Variants in DOCK10 observed in about 807,000 individuals in gnomAD.
The protein encoded by DOCK10 is dedicator of cytokinesis protein 10.
DOCK10 carries 145 observed loss-of-function variants against 280.1 expected under a neutral mutation model. That is an observed-to-expected ratio of 0.52 (90% confidence interval 0.45 to 0.59). The LOEUF (loss-of-function observed/expected upper bound fraction) is 0.59. Among genes scored for constraint, DOCK10 ranks in the 20% least tolerant of loss-of-function variants. DOCK10 has a pLI of 0.00. For missense variants in DOCK10, 2,368 were observed against 2,651.7 expected (o/e 0.89, Z 2.35); for synonymous variants, 915 against 942.2 (o/e 0.97, Z 0.53).
chr2:224,874,653 C>T lies in DOCK10; in HGVS notation c.1017+13G>A. 1 of 1,612,158 alleles carries T rather than the reference C, an allele frequency of 6.2e-7. No homozygotes were observed. The highest frequency in any genetic ancestry group is 8.5e-7 in the Non-Finnish European group (1 of 1,178,354). On this transcript the variant is annotated intron_variant, in intron 9 of 55. Transcript: ENST00000258390. ...TCAAATTGGTTTTGCAAGTACAATG[C>T]CAACTTTATTACCTTTGCAAAGTCT...
chr2:224,968,139 C>T (rs560913325), intron 1 of DOCK10, among the ~76,000 whole-genome samples: 5 of 152,210 alleles, frequency 3.3e-5, no homozygotes, highest in East Asian at 3.9e-4. Context: ...TGATTATGAT[C>T]GTAAAAGGGA....
At chr2:224,853,790 G>A (rs996813834) in intron 16 of DOCK10, among the ~76,000 whole-genome samples, 2 of 152,172 alleles carry the variant, frequency 1.3e-5, no homozygotes, top group South Asian at 2.1e-4. Flanking sequence ...GAAAGACCAA[G>A]GCCTTCTACC....
At chr2:224,866,487 T>C (rs1697918073) in intron 11 of DOCK10, among the ~76,000 whole-genome samples, 1 of 152,198 alleles carries the variant, frequency 6.6e-6, no homozygotes, top group Admixed American at 6.5e-5. Flanking sequence ...CCTTTGGCAA[T>C]TGATTTGTAT....
At chr2:224,973,467 T>C (rs889008930) in intron 1 of DOCK10, among the ~76,000 whole-genome samples, 2 of 152,086 alleles carry the variant, frequency 1.3e-5, no homozygotes, top group Non-Finnish European at 2.9e-5. Context: ...GAAGACACTA[T>C]GCTTCTGGCT....
intron 2 of DOCK10, among the ~76,000 whole-genome samples, chr2:224,922,087 C>A (rs1436021906): frequency 6.8e-6 from 1 of 147,362 alleles, no homozygotes; most frequent in African/African-American, 2.5e-5. Context: ...CCACTGTACT[C>A]CAGCCCGGGC....
intron 1 of DOCK10, among the ~76,000 whole-genome samples, chr2:225,002,441 T>A (rs565282780): frequency 6.6e-6 from 1 of 152,354 alleles, no homozygotes; most frequent in African/African-American, 2.4e-5. Context: ...GCTTTCTCAG[T>A]GAGTTTACAT....
intron 2 of DOCK10, among the ~76,000 whole-genome samples, chr2:224,924,127 A>T (rs897717831): frequency 1.3e-5 from 2 of 152,124 alleles, no homozygotes; most frequent in African/African-American, 4.8e-5. Context: ...ATTCCTTTGT[A>T]TCCTTCCTGT....
intron 7 of DOCK10, 52 bp from the exon 8 acceptor site, chr2:224,876,273 C>G (rs79130648): frequency 5.6e-5 from 80 of 1,440,708 alleles, no homozygotes; most frequent in Non-Finnish European, 7.2e-5. Flanking sequence ...AATAAGCCTT[C>G]GAGAGAGAGA....
At chr2:224,782,219 G>A (rs952063033) in intron 50 of DOCK10, among the ~76,000 whole-genome samples, 1 of 152,006 alleles carries the variant, frequency 6.6e-6, no homozygotes. Flanking sequence ...TCCATACTAC[G>A]CCTGCACCTT....
chr2:224,820,341 G>C (rs942186169), intron 28 of DOCK10, among the ~76,000 whole-genome samples: 6 of 152,194 alleles, frequency 3.9e-5, no homozygotes, highest in African/African-American at 1.4e-4. Flanking sequence ...AAGCTACCAC[G>C]GCCAAAGACT....
Position 225,035,542 on chromosome 2 carries a change from T to TGATATATA in DOCK10, c.123+6709_123+6710insTATATATC, listed in dbSNP as rs1415059109. On this transcript the variant is annotated intron_variant, in intron 1 of 55. Coordinates refer to ENST00000258390, the MANE Select transcript of DOCK10 (RefSeq NM_014689.3). ...TAGATCTTATATGATATGATATATA[T>TGATATATA]TATATATATATATATATATATATAT... Among the ~76,000 whole-genome samples, 74 of 50,008 alleles carry TGATATATA rather than the reference T, an allele frequency of 1.5e-3. 4 individuals are homozygous for TGATATATA. The highest frequency in any genetic ancestry group is 2.4e-3 in the Non-Finnish European group (61 of 25,898). The allele number at this position is 50,008 out of a possible 152,430, so 32.8% of individuals were successfully genotyped here.
intron 3 of DOCK10, among the ~76,000 whole-genome samples, chr2:224,914,426 G>A (rs528219633): frequency 5.3e-5 from 8 of 152,168 alleles, no homozygotes; most frequent in Non-Finnish European, 1.0e-4. Context: ...AAGGCAACTC[G>A]GTATTAAGGT....
intron 50 of DOCK10, among the ~76,000 whole-genome samples, chr2:224,780,847 C>G (rs184818164): frequency 0.011 from 1,619 of 151,924 alleles, 23 homozygotes; most frequent in African/African-American, 0.037. Flanking sequence ...TTGCAGTGAG[C>G]CAAGTTCGAG....
chr2:224,865,175 A>G (rs1267889886), intron 11 of DOCK10, 88 bp from the exon 12 acceptor site: 3 of 1,294,360 alleles, frequency 2.3e-6, no homozygotes, highest in Non-Finnish European at 3.2e-6. Context: ...ACAAAGCAGT[A>G]GATAAAATAC....
In DOCK10 at chr2:224,856,924, A is replaced by T; in HGVS notation, c.1744T>A (p.Phe582Ile). The T allele has an allele frequency of 6.2e-7, 1 of 1,612,558 alleles. No homozygotes were observed. The highest frequency in any genetic ancestry group is 8.5e-7 in the Non-Finnish European group (1 of 1,178,950). Residue 582 changes from phenylalanine (F) to isoleucine (I), a missense_variant, in exon 15 of 56, where the codon TTT becomes ATT. Physicochemically the swap from Phe to Ile is conservative, Grantham distance 21 (BLOSUM62 0). This residue lies in a region of DOCK10 where 1,209 missense variants were observed against 1,250.9 expected (regional missense o/e 0.97). Coordinates refer to ENST00000258390, the MANE Select transcript of DOCK10 (RefSeq NM_014689.3). ...GAAATCTTGCTACTTTCTTGTCTAA[A>T]CAATGGTGAAAATCTTGAGTCTCTG... ...VDRDSRFSPL[F>I]RQESSKISTE...
intron 4 of DOCK10, among the ~76,000 whole-genome samples, chr2:224,894,021 T>C (rs1222157527): frequency 6.6e-6 from 1 of 152,226 alleles, no homozygotes; most frequent in Non-Finnish European, 1.5e-5. Flanking sequence ...GAAAGGGTTA[T>C]ATTTTTGAAC....
At chr2:224,960,497 T>C (rs1704302811) in intron 1 of DOCK10, among the ~76,000 whole-genome samples, 3 of 152,184 alleles carry the variant, frequency 2.0e-5, no homozygotes, top group Admixed American at 2.0e-4. Flanking sequence ...CATCAGAAAG[T>C]ACTAAAAGTC....
chr2:224,812,161 C>T (rs1411189297), intron 31 of DOCK10, among the ~76,000 whole-genome samples: 2 of 152,076 alleles, frequency 1.3e-5, no homozygotes, highest in Non-Finnish European at 2.9e-5. Context: ...TTTTATTTCA[C>T]TGAGCAGTGG....
intron 3 of DOCK10, 128 bp downstream of exon 3, chr2:224,916,567 T>G: frequency 1.7e-5 from 6 of 343,006 alleles, no homozygotes; most frequent in East Asian, 6.9e-5. Flanking sequence ...AAAAAAGACA[T>G]CCACTAGTTA....
Sources: allele counts gnomAD v4.1 joint callset (sites outside exome capture counted in the v4.1 genomes callset), GRCh38; gene constraint gnomAD v4.1.1; regional missense constraint gnomAD v4.1.1; transcripts MANE v1.5; gene names NCBI Gene and HGNC (gene_info 2026-07-23, HGNC 2026-07-21).